Variants in ZNF804B observed in about 807,000 individuals in gnomAD.
The protein encoded by ZNF804B is zinc finger protein 804B.
A neutral mutation model predicts 101.4 loss-of-function variants in ZNF804B; 80 were observed. The observed-to-expected ratio is 0.79, with a 90% CI of 0.66 to 0.95. The LOEUF is 0.95. Ranked by LOEUF, ZNF804B falls within the 40% of genes least tolerant of loss-of-function variation. ZNF804B has a pLI of 0.00. For synonymous variants in ZNF804B, 622 were observed against 558.8 expected (o/e 1.11, Z -1.59); for missense variants, 1,673 against 1,561.9 (o/e 1.07, Z -1.20).
intron 1 of ZNF804B, among the ~76,000 whole-genome samples, chr7:89,111,695 A>G (rs1225428914): frequency 6.6e-6 from 1 of 152,278 alleles, no homozygotes; most frequent in East Asian, 1.9e-4. Context: ...TCTTTCTCAG[A>G]GTAGAAGTTT....
intron 1 of ZNF804B, among the ~76,000 whole-genome samples, chr7:89,085,031 G>T (rs1255837139): frequency 1.3e-5 from 2 of 151,854 alleles, no homozygotes; most frequent in Admixed American, 6.6e-5. Flanking sequence ...ATTTCAAGGG[G>T]ACAGACTGTT....
At chr7:89,308,798 C>T (rs2115939167) in intron 2 of ZNF804B, among the ~76,000 whole-genome samples, 1 of 152,148 alleles carries the variant, frequency 6.6e-6, no homozygotes, top group East Asian at 1.9e-4. Context: ...TCAACTCTGC[C>T]AATACAGTCT....
intron 1 of ZNF804B, among the ~76,000 whole-genome samples, chr7:88,973,350 G>A (rs759315083): frequency 7.9e-5 from 12 of 151,200 alleles, no homozygotes; most frequent in Non-Finnish European, 1.5e-4. Flanking sequence ...TAGAATAATA[G>A]GTACCAAAAG....
At chr7:89,303,154 T>C (rs1562941093) in intron 2 of ZNF804B, among the ~76,000 whole-genome samples, 2 of 151,848 alleles carry the variant, frequency 1.3e-5, no homozygotes, top group Non-Finnish European at 1.5e-5. Flanking sequence ...TAGTAAATAA[T>C]AGCTTCTTTG....
In ZNF804B at chr7:89,142,222, AAAG is replaced by A. The variant is rs201393971; in HGVS notation, c.109-75929_109-75927del. Among the ~76,000 whole-genome samples, 255 of 152,068 alleles carry A rather than the reference AAAG, an allele frequency of 1.7e-3. 3 individuals are homozygous for A. Among genetic ancestry groups the A allele is most frequent in the Admixed American group, 0.015 (232 of 15,230 alleles). On this transcript the variant is annotated intron_variant, in intron 1 of 3. Coordinates refer to ENST00000333190, the MANE Select transcript of ZNF804B (RefSeq NM_181646.5). Reference sequence around the variant, plus strand: ...TGAGACGGAGCATTGTCCTAAAAAAAAAGAAGGATTCTCTGGTGAAGGTTTCTT... The same window carrying A: ...TGAGACGGAGCATTGTCCTAAAAAAAAAGGATTCTCTGGTGAAGGTTTCTT...
At chr7:88,883,645 A>G (rs1053132288) in intron 1 of ZNF804B, among the ~76,000 whole-genome samples, 1 of 152,108 alleles carries the variant, frequency 6.6e-6, no homozygotes, top group African/African-American at 2.4e-5. Context: ...ATCAAATCAT[A>G]TGCTTGTTAA....
At chr7:89,117,874 T>A (rs960498162) in intron 1 of ZNF804B, among the ~76,000 whole-genome samples, 2 of 152,206 alleles carry the variant, frequency 1.3e-5, no homozygotes, top group Admixed American at 6.5e-5. Context: ...TTGAGTTTGG[T>A]AACATTTTGT....
At chr7:89,033,599 C>A (rs1344052970) in intron 1 of ZNF804B, among the ~76,000 whole-genome samples, 8 of 151,950 alleles carry the variant, frequency 5.3e-5, no homozygotes, top group Non-Finnish European at 1.2e-4. Context: ...GCAAAACCCT[C>A]TATGCTAATA....
At chr7:89,071,031 C>A (rs934023652) in intron 1 of ZNF804B, among the ~76,000 whole-genome samples, 1 of 152,080 alleles carries the variant, frequency 6.6e-6, no homozygotes, top group Non-Finnish European at 1.5e-5. Flanking sequence ...TGCATATAAC[C>A]TATGCACATC....
chr7:89,085,168 G>A (rs933347255), intron 1 of ZNF804B, among the ~76,000 whole-genome samples: 1 of 151,772 alleles, frequency 6.6e-6, no homozygotes, highest in Admixed American at 6.6e-5. Context: ...TTGAAAAATC[G>A]AAGCTGCCTT....
intron 1 of ZNF804B, among the ~76,000 whole-genome samples, chr7:88,940,855 A>C (rs1793045631): frequency 6.7e-6 from 1 of 150,150 alleles, no homozygotes; most frequent in African/African-American, 2.4e-5. Context: ...ACTGGGAGAA[A>C]ATATTTACAA....
chr7:88,790,567 C>T (rs553732845), intron 1 of ZNF804B, among the ~76,000 whole-genome samples: 47 of 152,182 alleles, frequency 3.1e-4, no homozygotes, highest in African/African-American at 1.1e-3. Context: ...ATAATGCCCT[C>T]CCTTCTCCAT....
At chr7:89,103,315 G>A (rs1270279099) in intron 1 of ZNF804B, among the ~76,000 whole-genome samples, 1 of 151,192 alleles carries the variant, frequency 6.6e-6, no homozygotes, top group Non-Finnish European at 1.5e-5. Context: ...GTTGCTTTGG[G>A]TAATGTGGTT....
intron 1 of ZNF804B, among the ~76,000 whole-genome samples, chr7:88,931,951 G>A (rs1386649679): frequency 6.6e-6 from 1 of 151,310 alleles, no homozygotes; most frequent in African/African-American, 2.4e-5. Flanking sequence ...ATATAGGAGA[G>A]GAAAAATGTG....
intron 1 of ZNF804B, among the ~76,000 whole-genome samples, chr7:88,904,833 T>C (rs994937930): frequency 6.6e-6 from 1 of 152,196 alleles, no homozygotes; most frequent in African/African-American, 2.4e-5. Context: ...TGTGTATCAG[T>C]TCTAGGAGTC....
chr7:88,897,245 A>G (rs1439738592), intron 1 of ZNF804B, among the ~76,000 whole-genome samples: 2 of 152,142 alleles, frequency 1.3e-5, no homozygotes, highest in East Asian at 3.9e-4. Context: ...GGCCCAAATA[A>G]TCAAATGGGT....
rs56693128 is a variant in ZNF804B, at chr7:89,103,048, G to GTTTTTTTT, written c.109-115079_109-115072dup. On this transcript the variant is annotated intron_variant, in intron 1 of 3. Transcript: ENST00000333190. ...TTCTATTCCATTGACCTATGTGTCT[G>GTTTTTTTT]TTTTTTTTTTTTTTTTTTTTTTTTT... Among the ~76,000 whole-genome samples the GTTTTTTTT allele has an allele frequency of 1.4e-3, 48 of 33,748 alleles. 4 individuals carry two copies. Among genetic ancestry groups the GTTTTTTTT allele is most frequent in the South Asian group, 3.8e-3 (2 of 528 alleles). The allele number at this position is 33,748 out of a possible 152,430, so 22.1% of individuals were successfully genotyped here. A position where few individuals can be genotyped will look rare whatever the true frequency, so the allele number is the denominator to read the frequency against.
At chr7:89,240,403 G>GA (rs71526638) in intron 2 of ZNF804B, among the ~76,000 whole-genome samples, 18,557 of 151,256 alleles carry the variant, frequency 0.12, 1,216 homozygotes, top group Middle Eastern at 0.26. Context: ...TGAGGTGAAA[G>GA]TTTTTTTTTC....
At chr7:88,858,274 G>A (rs1791600458) in intron 1 of ZNF804B, among the ~76,000 whole-genome samples, 1 of 151,930 alleles carries the variant, frequency 6.6e-6, no homozygotes, top group Non-Finnish European at 1.5e-5. Context: ...TTTCTTCAAG[G>A]TACTTTCACC....
Sources: allele counts gnomAD v4.1 joint callset (sites outside exome capture counted in the v4.1 genomes callset), GRCh38; gene constraint gnomAD v4.1.1; transcripts MANE v1.5; gene names NCBI Gene and HGNC (gene_info 2026-07-23, HGNC 2026-07-21).